Variants in PTOV1 observed in about 807,000 individuals in gnomAD.
PTOV1 encodes the protein PTOV1 extended AT-hook containing adaptor protein.
Under a neutral mutation model 58.0 loss-of-function variants are expected in PTOV1, and 20 were observed. That is an observed-to-expected ratio of 0.34 (90% CI 0.24 to 0.50). The LOEUF (loss-of-function observed/expected upper bound fraction) is 0.50. PTOV1 is among the 20% of genes least tolerant of loss of function. The pLI is 0.98. For missense variants in PTOV1, 593 were observed against 565.4 expected (o/e 1.05, Z -0.50); for synonymous variants, 335 against 234.2 (o/e 1.43, Z -3.93).
At chr19:49,851,603 C>T (rs946652601) in intron 1 of PTOV1, 104 bp downstream of exon 1, 4 of 1,026,820 alleles carry the variant, frequency 3.9e-6, no homozygotes, top group Admixed American at 4.9e-5. Flanking sequence ...CCGGGGTGTC[C>T]CCTGTGGCCC....
chr19:49,850,786 T>G (rs2074209768), upstream of PTOV1: 5 of 1,449,324 alleles, frequency 3.4e-6, no homozygotes, highest in East Asian at 1.3e-4. Context: ...TCCCTTTCAG[T>G]GGGTTCCTTT....
At chr19:49,854,668 C>G (rs11558837) in exon 3 of PTOV1, 2 of 1,613,520 alleles carry the variant, frequency 1.2e-6, no homozygotes, top group Admixed American at 3.3e-5. Flanking sequence ...AGACCCTACT[C>G]TGACTCCACT....
intron 10 of PTOV1, chr19:49,858,880 C>T: frequency 1.9e-6 from 1 of 516,500 alleles, no homozygotes; most frequent in South Asian, 2.7e-5. Flanking sequence ...TCTGCCACAT[C>T]AGGGCTGACT....
At chr19:49,853,664 ATT>A (rs1314692692) in intron 1 of PTOV1, among the ~76,000 whole-genome samples, 3 of 151,842 alleles carry the variant, frequency 2.0e-5, no homozygotes, top group Non-Finnish European at 4.4e-5. Flanking sequence ...TGTGAGTAGC[ATT>A]TGTGGCGTTG....
chr19:49,850,901 G>T (rs753530139), upstream of PTOV1: 58 of 1,535,660 alleles, frequency 3.8e-5, no homozygotes, highest in Non-Finnish European at 4.9e-5. Flanking sequence ...CCGCCGTCCC[G>T]ACCCCCGCAA....
chr19:49,852,036 C>T (rs1009627368), intron 1 of PTOV1: 1 of 985,372 alleles, frequency 1.0e-6, no homozygotes, highest in African/African-American at 1.7e-5. Flanking sequence ...GCCGTGAGCC[C>T]AGACCTTAAA....
Position 49,854,561 on chromosome 19 carries a change from T to A in PTOV1, c.309+18T>A, listed in dbSNP as rs2074377594. On this transcript the variant is annotated intron_variant, in intron 2 of 11. Transcript: ENST00000391842. ...GGCAGGAGGTGAGTCTCTGTGGGGC[T>A]GCGGCTGGCCTCCAGGGTCTTGTCT... 6.2e-7 allele frequency: 1 copy of A among 1,612,502 alleles called. No homozygotes were observed. The highest frequency in any genetic ancestry group is 2.2e-5 in the East Asian group (1 of 44,860).
At chr19:49,860,078 C>T (rs369318396) in exon 11 of PTOV1, 18 of 1,614,130 alleles carry the variant, frequency 1.1e-5, no homozygotes, top group African/African-American at 2.7e-5. Flanking sequence ...TCATTGGCCT[C>T]ATCCCCCATG....
chr19:49,857,808 T>G, intron 7 of PTOV1, 26 bp downstream of exon 7: 1 of 1,613,614 alleles, frequency 6.2e-7, no homozygotes, highest in Non-Finnish European at 8.5e-7. Context: ...CCCAGGGACT[T>G]GGGACCCCCA....
At position 49,854,726 on chromosome 19, in the gene PTOV1, C is replaced by A. The variant is rs149977568; in HGVS notation, c.384C>A (p.Gly128=). ...CCTGCCAAGCCTACGTGAACCAAGGCGAGAACCTGTGAGTGCCGGGGCGTG... is the reference window on the plus strand; with the variant it reads ...CCTGCCAAGCCTACGTGAACCAAGGAGAGAACCTGTGAGTGCCGGGGCGTG... Residue 128 remains glycine, a synonymous_variant, in exon 3 of 12, where the codon GGC becomes GGA. Coordinates refer to ENST00000391842, the Ensembl canonical transcript of PTOV1. The A allele has an allele frequency of 2.5e-6, 4 of 1,613,382 alleles. No homozygotes were observed. The East Asian group carries it at 8.9e-5, about 36-fold the overall frequency.
chr19:49,850,856 T>C (rs964954358), upstream of PTOV1: 8 of 1,535,260 alleles, frequency 5.2e-6, no homozygotes, highest in South Asian at 6.0e-5. Context: ...CGCGGTCTCC[T>C]GGCTCTGCGG....
At chr19:49,857,440 A>G (rs1260615844) in intron 6 of PTOV1, 1 of 606,448 alleles carries the variant, frequency 1.6e-6, no homozygotes, top group East Asian at 2.8e-5. Context: ...TGTCCTGGTC[A>G]TGCCTTGCCA....
At chr19:49,855,865 T>G (rs2074439685) in intron 5 of PTOV1, among the ~76,000 whole-genome samples, 1 of 151,950 alleles carries the variant, frequency 6.6e-6, no homozygotes, top group African/African-American at 2.4e-5. Context: ...GTGAGGCTGT[T>G]CAGGTGACTG....
At chr19:49,854,297 AG>A in intron 1 of PTOV1, 108 bp from the exon 2 acceptor site, 1 of 1,428,706 alleles carries the variant, frequency 7.0e-7, no homozygotes, top group Non-Finnish European at 9.5e-7. Context: ...GGCTTCCAGC[AG>A]GGGATTTGGG....
At chr19:49,851,598 G>T in intron 1 of PTOV1, 99 bp downstream of exon 1, 2 of 1,023,400 alleles carry the variant, frequency 2.0e-6, no homozygotes. Context: ...CCGCTCCGGG[G>T]TGTCCCCTGT....
At chr19:49,857,591 T>C (rs2074532935) in intron 6 of PTOV1, 102 bp from the exon 7 acceptor site, 3 of 1,115,096 alleles carry the variant, frequency 2.7e-6, no homozygotes, top group Non-Finnish European at 2.6e-6. Flanking sequence ...CAGCTGGGGC[T>C]AACAGGCCAA....
intron 9 of PTOV1, 165 bp from the exon 10 acceptor site, chr19:49,858,384 A>G: frequency 2.9e-6 from 2 of 689,828 alleles, no homozygotes; most frequent in Non-Finnish European, 4.9e-6. Flanking sequence ...CGGCTTCCAC[A>G]GCACTCCAGG....
At chr19:49,860,061 A>C (rs751700101) in exon 11 of PTOV1, 1 of 1,614,220 alleles carries the variant, frequency 6.2e-7, no homozygotes, top group Non-Finnish European at 8.5e-7. Flanking sequence ...TTCAGAGAAG[A>C]AAATCTTCAT....
chr19:49,857,188 T>C, intron 6 of PTOV1, 58 bp downstream of exon 6: 1 of 1,591,960 alleles, frequency 6.3e-7, no homozygotes, highest in Non-Finnish European at 8.6e-7. Flanking sequence ...CCCACTGCCC[T>C]GGTTGGGCAG....
Sources: gnomAD v4.1 joint callset for allele counts (sites outside exome capture counted in the v4.1 genomes callset) on GRCh38, gnomAD v4.1.1 for gene constraint, MANE v1.5 for transcripts, NCBI Gene and HGNC (gene_info 2026-07-23, HGNC 2026-07-21) for gene names.